MYPN: variants seen among roughly 807,000 people sequenced by gnomAD.
The protein encoded by MYPN is sarcomeric protein myopalladin, 145 kDa (MYOP).
A neutral mutation model predicts 129.4 loss-of-function variants in MYPN; 63 were observed. The observed-to-expected ratio is 0.49, with a 90% CI of 0.40 to 0.60. The LOEUF is 0.60. MYPN is among the 20% of genes least tolerant of loss of function. The pLI, the probability that MYPN is intolerant of heterozygous loss-of-function variation, is 0.00. For synonymous variants in MYPN, 629 were observed against 600.9 expected (o/e 1.05, Z -0.68); for missense variants, 1,596 against 1,635.4 (o/e 0.98, Z 0.42).
chr10:68,106,001 T>C (rs1303335094), upstream of MYPN: 2 of 286,184 alleles, frequency 7.0e-6, no homozygotes, highest in Non-Finnish European at 1.4e-5. Flanking sequence ...GAAAGAGCAA[T>C]CTGTTCTAAA....
Position 68,141,581 on chromosome 10 carries a change from A to G in MYPN, c.903-1359A>G, listed in dbSNP as rs768627139. Among the ~76,000 whole-genome samples the G allele has an allele frequency of 7.2e-5, 11 of 152,318 alleles. No homozygotes were observed. The South Asian group carries it at 1.7e-3, about 23-fold the overall frequency. ...AAAAAATGAAAAAATGTAAAAGGGT[A>G]CACTGAGCCATCTCACTCCTATCTG... is the stretch of plus-strand genomic sequence containing the variant. On this transcript the variant is annotated intron_variant, in intron 2 of 19. Coordinates refer to ENST00000358913, the MANE Select transcript of MYPN (RefSeq NM_032578.4).
At chr10:68,201,301 T>G (rs1463559584) in intron 17 of MYPN, among the ~76,000 whole-genome samples, 4 of 152,214 alleles carry the variant, frequency 2.6e-5, no homozygotes, top group African/African-American at 9.6e-5. Flanking sequence ...GCCCCATTTC[T>G]TTTTGTTTTT....
chr10:68,206,657 T>G (rs571596820), intron 18 of MYPN, 113 bp from the exon 19 acceptor site: 2 of 1,414,554 alleles, frequency 1.4e-6, no homozygotes, highest in African/African-American at 2.8e-5. Context: ...ACCTTCAAAT[T>G]TGTCTTGATG....
chr10:68,099,253 G>C (rs1307827175), intron 1 of MYPN, among the ~76,000 whole-genome samples: 1 of 152,062 alleles, frequency 6.6e-6, no homozygotes, highest in Non-Finnish European at 1.5e-5. Flanking sequence ...TTTTACTGCT[G>C]GCTTACATGG....
At chr10:68,158,253 C>G in intron 6 of MYPN, 1 of 505,906 alleles carries the variant, frequency 2.0e-6, no homozygotes, top group Non-Finnish European at 3.5e-6. Context: ...AGAGGAGGAC[C>G]AATCTTAGGT....
At chr10:68,163,832 A>C (rs988051433) in intron 8 of MYPN, among the ~76,000 whole-genome samples, 2 of 152,142 alleles carry the variant, frequency 1.3e-5, no homozygotes, top group Non-Finnish European at 2.9e-5. Flanking sequence ...TTAATGCTTA[A>C]CTATATTTCT....
intron 2 of MYPN, among the ~76,000 whole-genome samples, chr10:68,125,452 A>G (rs906433448): frequency 2.6e-5 from 4 of 152,218 alleles, no homozygotes; most frequent in Non-Finnish European, 5.9e-5. Context: ...CGAGTAGACT[A>G]TTAGCTGCCA....
chr10:68,122,028 C>G lies in MYPN; in HGVS notation c.590C>G (p.Ser197Cys), dbSNP rs1176104534. 1 of 1,614,192 alleles carries G rather than the reference C, an allele frequency of 6.2e-7. No homozygotes were observed. The highest frequency in any genetic ancestry group is 1.3e-5 in the African/African-American group (1 of 75,046). Residue 197 changes from serine to cysteine, a missense_variant, in exon 2 of 20, where the codon TCC becomes TGC. Physicochemically the swap from Ser to Cys is moderately radical, Grantham distance 112. Coordinates refer to ENST00000358913, the MANE Select transcript of MYPN (RefSeq NM_032578.4). ...SQNKVMQENS[S>C]SFSDLSERRE... Reference sequence around the variant, plus strand: ...AACAAAGTTATGCAGGAAAACAGCTCCAGTTTCTCAGATCTGTCAGAAAGA... The same window carrying G: ...AACAAAGTTATGCAGGAAAACAGCTGCAGTTTCTCAGATCTGTCAGAAAGA...
At chr10:68,135,243 G>A (rs115361481) in intron 2 of MYPN, among the ~76,000 whole-genome samples, 228 of 152,188 alleles carry the variant, frequency 1.5e-3, no homozygotes, top group African/African-American at 5.2e-3. Context: ...GTGAGCCACC[G>A]TGCCCAACCA....
intron 10 of MYPN, among the ~76,000 whole-genome samples, chr10:68,167,103 C>T (rs892464290): frequency 2.0e-5 from 3 of 152,180 alleles, no homozygotes; most frequent in African/African-American, 7.2e-5. Flanking sequence ...AAATGTTTTG[C>T]CAAATGTACA....
intron 12 of MYPN, among the ~76,000 whole-genome samples, chr10:68,180,637 T>C (rs2043300175): frequency 6.6e-6 from 1 of 152,262 alleles, no homozygotes; most frequent in African/African-American, 2.4e-5. Flanking sequence ...GCAGGTCTTC[T>C]AGCTGGCTTG....
In MYPN at chr10:68,201,924, G is replaced by C; in HGVS notation, c.3589G>C (p.Gly1197Arg). The C allele has an allele frequency of 6.2e-7, 1 of 1,614,150 alleles. No individual in the cohort carries two copies. The highest frequency in any genetic ancestry group is 1.1e-5 in the South Asian group (1 of 91,076). The change falls in exon 18 of 20, where the codon GGC becomes CGC. Residue 1197 changes from glycine (G) to arginine (R), a missense_variant. Coordinates refer to ENST00000358913, the MANE Select transcript of MYPN (RefSeq NM_032578.4). ...CGTGAGACTGGAGTGCCGCGTGATA[G>C]GCATGCCCCCACCTGTGTTCTACTG... is the stretch of plus-strand genomic sequence containing the variant. ...HPVRLECRVI[G>R]MPPPVFYWKK...
At chr10:68,202,953 A>G (rs2043743544) in intron 18 of MYPN, among the ~76,000 whole-genome samples, 1 of 152,220 alleles carries the variant, frequency 6.6e-6, no homozygotes. Flanking sequence ...CTCCAATCTA[A>G]CAATGCAATA....
chr10:68,092,405 GAATC>G (rs1399350356), intron 1 of MYPN, among the ~76,000 whole-genome samples: 1 of 151,742 alleles, frequency 6.6e-6, no homozygotes, highest in Non-Finnish European at 1.5e-5. Flanking sequence ...TGAGGCAGGA[GAATC>G]ACTTGAACCT....
intron 1 of MYPN, among the ~76,000 whole-genome samples, chr10:68,095,501 C>T (rs1380046157): frequency 6.6e-6 from 1 of 152,206 alleles, no homozygotes; most frequent in Middle Eastern, 3.2e-3. Flanking sequence ...TGCCTCCCAT[C>T]TGAAGTACCA....
intron 15 of MYPN, among the ~76,000 whole-genome samples, chr10:68,196,658 A>AT (rs911138240): frequency 2.0e-5 from 3 of 151,118 alleles, no homozygotes; most frequent in Admixed American, 6.6e-5. Context: ...TAATTTTTGT[A>AT]TTTTTTTGTA....
upstream of MYPN, among the ~76,000 whole-genome samples, chr10:68,108,717 TTTTTAA>T (rs551038540): frequency 6.4e-3 from 974 of 152,256 alleles, 7 homozygotes; most frequent in African/African-American, 0.022. Flanking sequence ...TATTTATTTA[TTTTTAA>T]TTTTATTATT....
At chr10:68,095,770 A>AGG (rs753965368) in intron 1 of MYPN, among the ~76,000 whole-genome samples, 43 of 91,338 alleles carry the variant, frequency 4.7e-4, no homozygotes, top group Admixed American at 1.6e-3. Context: ...AGAGGGGAAT[A>AGG]GGGGGTTATT....
At chr10:68,141,413 A>T (rs1039832875) in intron 2 of MYPN, among the ~76,000 whole-genome samples, 4 of 151,946 alleles carry the variant, frequency 2.6e-5, no homozygotes, top group African/African-American at 9.7e-5. Flanking sequence ...TGGGAGGGAG[A>T]CAGGGATTAT....
Sources: allele counts gnomAD v4.1 joint callset (sites outside exome capture counted in the v4.1 genomes callset), GRCh38; gene constraint gnomAD v4.1.1; transcripts MANE v1.5; gene names NCBI Gene and HGNC (gene_info 2026-07-23, HGNC 2026-07-21).